The following CACNA1E variants were observed in gnomAD, a reference collection of about 807,000 sequenced individuals.
The protein encoded by CACNA1E is voltage-dependent R-type calcium channel subunit alpha-1E.
CACNA1E carries 40 observed loss-of-function variants against 259.2 expected under a neutral mutation model. The observed-to-expected ratio is 0.15, with a 90% CI of 0.12 to 0.20. The LOEUF is 0.20. Among genes scored for constraint, CACNA1E ranks in the 10% least tolerant of loss-of-function variants. The pLI, the probability that CACNA1E is intolerant of heterozygous loss-of-function variation, is 1.00. For synonymous variants in CACNA1E, 1,104 were observed against 1,138.5 expected, an observed-to-expected ratio of 0.97 and a Z score of 0.61; for missense variants, 1,874 against 3,040.1, an observed-to-expected ratio of 0.62 and a Z score of 9.02.
At chr1:181,731,747 G>A (rs1002285657) in intron 19 of CACNA1E, among the ~76,000 whole-genome samples, 5 of 152,064 alleles carry the variant, frequency 3.3e-5, no homozygotes, top group Non-Finnish European at 7.4e-5. Flanking sequence ...TGAAATGCTC[G>A]ATCGCAGTTT....
chr1:181,607,456 C>T (rs995061566), intron 6 of CACNA1E, among the ~76,000 whole-genome samples: 1 of 152,142 alleles, frequency 6.6e-6, no homozygotes, highest in Non-Finnish European at 1.5e-5. Flanking sequence ...TAGGTGGATG[C>T]ACCTTCCTCC....
At chr1:181,484,079 G>A (rs539567117) in intron 1 of CACNA1E, 69 bp downstream of exon 1, 2 of 1,456,932 alleles carry the variant, frequency 1.4e-6, no homozygotes, top group African/African-American at 1.4e-5. Context: ...GGGGTACCTA[G>A]CATGGAATGT....
At chr1:181,794,781 C>T in intron 45 of CACNA1E, 83 bp from the exon 46 acceptor site, 2 of 1,306,306 alleles carry the variant, frequency 1.5e-6, no homozygotes, top group Non-Finnish European at 2.1e-6. Flanking sequence ...TCCTTAACGT[C>T]TCAGTCTTGC....
At chr1:181,749,820 AT>A (rs932562616) in intron 25 of CACNA1E, among the ~76,000 whole-genome samples, 2 of 152,240 alleles carry the variant, frequency 1.3e-5, no homozygotes, top group African/African-American at 2.4e-5. Flanking sequence ...ACTGGCGGTC[AT>A]TTAATTTATC....
Position 181,801,383 on chromosome 1 carries a change from C to T in CACNA1E, c.*2549C>T, listed in dbSNP as rs1360544468. The T allele has an allele frequency of 6.6e-6, 1 of 152,328 alleles. No individual in the cohort carries two copies. The highest frequency in any genetic ancestry group is 2.4e-5 in the African/African-American group (1 of 41,456). 9.4% of individuals were successfully genotyped at this position (152,328 alleles called of 1,614,324 possible). On this transcript the variant is annotated 3_prime_UTR_variant, in exon 48 of 48. Transcript: ENST00000367573. ...CCTGAACTCCTTGAACTCATACACA[C>T]AGGTATTTGAGTCCTGAATAAAGTG...
At chr1:181,780,047 GGAT>G (rs1660292601) in intron 38 of CACNA1E, among the ~76,000 whole-genome samples, 1 of 152,172 alleles carries the variant, frequency 6.6e-6, no homozygotes, top group African/African-American at 2.4e-5. Context: ...CCCAGCTCCT[GGAT>G]GGTCTGGTCA....
At chr1:181,496,605 A>G (rs1664775970) in intron 1 of CACNA1E, among the ~76,000 whole-genome samples, 1 of 152,194 alleles carries the variant, frequency 6.6e-6, no homozygotes, top group Non-Finnish European at 1.5e-5. Context: ...TGTGGGGGGA[A>G]GGGGAAACCT....
intron 1 of CACNA1E, among the ~76,000 whole-genome samples, chr1:181,374,511 G>T (rs1654956563): frequency 6.6e-6 from 1 of 152,010 alleles, no homozygotes; most frequent in African/African-American, 2.4e-5. Flanking sequence ...CTCCCAGGCT[G>T]GAGTGCAGTG....
Position 181,595,611 on chromosome 1 carries a change from T to C in CACNA1E, c.951+14835T>C, listed in dbSNP as rs576262026. ...TCCTTGGCAGATTGCACTGGAATGG[T>C]GTGACAGTCCCTCAGGGATCATGCC... On this transcript the variant is annotated intron_variant, in intron 6 of 47. Coordinates refer to ENST00000367573, the MANE Select transcript of CACNA1E (RefSeq NM_001205293.3). Among the ~76,000 whole-genome samples, 4 of 152,296 alleles carry C rather than the reference T, an allele frequency of 2.6e-5. No homozygotes were observed. In the East Asian group the frequency reaches 7.7e-4, roughly 29 times the overall value.
chr1:181,747,828 A>G (rs1657234268), intron 25 of CACNA1E, among the ~76,000 whole-genome samples: 1 of 152,208 alleles, frequency 6.6e-6, no homozygotes, highest in African/African-American at 2.4e-5. Context: ...TGGCTTTGAT[A>G]ATGGCTTAAA....
rs1056636409 is a variant in CACNA1E at position 181,776,768 on chromosome 1, G to A, written c.5267+540G>A. Among the ~76,000 whole-genome samples the A allele has an allele frequency of 1.3e-5, 2 of 152,208 alleles. No homozygotes were observed. The highest frequency in any genetic ancestry group is 4.8e-5 in the African/African-American group (2 of 41,452). ...TACATGGAACTAAATTAAATGGTAG[G>A]AATTGGTGAAGATAACTTCTTTACT... On this transcript the variant is annotated intron_variant, in intron 38 of 47. Coordinates refer to ENST00000367573, the MANE Select transcript of CACNA1E (RefSeq NM_001205293.3). This position sits in a 1 kb window ranked among gnomAD's most constrained non-coding sequence, Gnocchi z 4.4.
chr1:181,409,969 G>T (rs1657728942), intron 1 of CACNA1E, among the ~76,000 whole-genome samples: 1 of 152,146 alleles, frequency 6.6e-6, no homozygotes, highest in Admixed American at 6.5e-5. Context: ...CAGAGGTGGG[G>T]AGCCAGGTAC....
At chr1:181,553,092 G>A (rs531277244) in intron 3 of CACNA1E, among the ~76,000 whole-genome samples, 61 of 152,152 alleles carry the variant, frequency 4.0e-4, no homozygotes, top group Non-Finnish European at 7.8e-4. Flanking sequence ...ACTTTGGGCA[G>A]TATGGCCATT....
At chr1:181,787,255 G>T (rs1660923685) in intron 43 of CACNA1E, among the ~76,000 whole-genome samples, 1 of 151,876 alleles carries the variant, frequency 6.6e-6, no homozygotes, top group Non-Finnish European at 1.5e-5. Context: ...GAGTAGCTGG[G>T]ACTACAGGCA....
At chr1:181,733,856 C>A in intron 21 of CACNA1E, 106 bp downstream of exon 21, 2 of 818,850 alleles carry the variant, frequency 2.4e-6, no homozygotes, top group Non-Finnish European at 3.5e-6. Flanking sequence ...AGGAGTAAAT[C>A]ATCCTTCAAG....
In CACNA1E at chr1:181,756,914, TG is replaced by T; in HGVS notation, c.4128-10del. On this transcript the variant is annotated splice_polypyrimidine_tract_variant and intron_variant, in intron 29 of 47. Coordinates refer to ENST00000367573, the MANE Select transcript of CACNA1E (RefSeq NM_001205293.3). Reference sequence around the variant, plus strand: ...ATCCACCATCTGTGCCCTCTTGTTCTGTCCCCATAGAGTTCTGCAGCACTCT... The same window carrying T: ...ATCCACCATCTGTGCCCTCTTGTTCTTCCCCATAGAGTTCTGCAGCACTCT... 1 of 1,597,922 alleles carries T rather than the reference TG, an allele frequency of 6.3e-7. No homozygotes were observed. Among genetic ancestry groups the T allele is most frequent in the Non-Finnish European group, 8.6e-7 (1 of 1,165,252 alleles).
intron 43 of CACNA1E, 74 bp downstream of exon 43, chr1:181,785,893 C>A: frequency 1.1e-6 from 1 of 915,028 alleles, no homozygotes; most frequent in Non-Finnish European, 1.7e-6. Context: ...GACCCCAAAA[C>A]TCACTGCTCA....
At chr1:181,554,180 T>A (rs936449765) in intron 3 of CACNA1E, among the ~76,000 whole-genome samples, 3 of 152,120 alleles carry the variant, frequency 2.0e-5, no homozygotes, top group East Asian at 1.9e-4. Context: ...CTAATTTTTT[T>A]AGTTTTATTT....
chr1:181,552,104 A>G (rs1178403839), intron 3 of CACNA1E, among the ~76,000 whole-genome samples: 1 of 152,138 alleles, frequency 6.6e-6, no homozygotes, highest in Non-Finnish European at 1.5e-5. Flanking sequence ...ATATTTCTCC[A>G]TATTGCTCTT....
Sources: allele counts gnomAD v4.1 joint callset (sites outside exome capture counted in the v4.1 genomes callset), GRCh38; gene constraint gnomAD v4.1.1; non-coding constraint Gnocchi (gnomAD v3.1); transcripts MANE v1.5; gene names NCBI Gene and HGNC (gene_info 2026-07-23, HGNC 2026-07-21).